DOCK8: variants seen among roughly 807,000 people sequenced by gnomAD.
DOCK8 encodes dedicator of cytokinesis protein 8.
DOCK8 carries 141 observed loss-of-function variants against 245.6 expected under a neutral mutation model. The observed-to-expected ratio is 0.57, with a 90% CI of 0.50 to 0.66. The LOEUF is 0.66. Among genes scored for constraint, DOCK8 ranks in the 30% least tolerant of loss-of-function variants. DOCK8 has a pLI of 0.00. For missense variants in DOCK8, 2,965 were observed against 2,603.4 expected (o/e 1.14, Z -3.02); for synonymous variants, 1,168 against 970.2 (o/e 1.20, Z -3.79).
intron 1 of DOCK8, among the ~76,000 whole-genome samples, chr9:227,528 G>T (rs188429490): frequency 1.3e-5 from 2 of 152,298 alleles, no homozygotes; most frequent in East Asian, 3.9e-4. Flanking sequence ...GAGTAAAGAT[G>T]ATTAAAGCAG....
chr9:240,874 T>C (rs997674336), intron 1 of DOCK8, among the ~76,000 whole-genome samples: 2 of 152,156 alleles, frequency 1.3e-5, no homozygotes, highest in Non-Finnish European at 2.9e-5. Flanking sequence ...AAAAAAATAT[T>C]CTATTCCATA....
chr9:298,705 G>T (rs2049385633), intron 4 of DOCK8, among the ~76,000 whole-genome samples: 1 of 151,604 alleles, frequency 6.6e-6, no homozygotes, highest in Non-Finnish European at 1.5e-5. Context: ...CTTGGAAATA[G>T]CCGCATTTTA....
intron 9 of DOCK8, among the ~76,000 whole-genome samples, chr9:329,903 T>C (rs1030254159): frequency 6.6e-6 from 1 of 152,230 alleles, no homozygotes; most frequent in Non-Finnish European, 1.5e-5. Flanking sequence ...GTTTAAGAAA[T>C]TGAAATCTAC....
chr9:408,940 A>G (rs570249828), intron 28 of DOCK8, among the ~76,000 whole-genome samples: 2 of 152,206 alleles, frequency 1.3e-5, no homozygotes, highest in East Asian at 1.9e-4. Context: ...CCCCCAAAAG[A>G]GTAATTAACA....
intron 4 of DOCK8, among the ~76,000 whole-genome samples, chr9:294,076 T>C (rs1182518452): frequency 6.6e-6 from 1 of 152,244 alleles, no homozygotes; most frequent in Non-Finnish European, 1.5e-5. Flanking sequence ...TATTAATGTA[T>C]GTACTTATAT....
intron 1 of DOCK8, among the ~76,000 whole-genome samples, chr9:240,261 A>C (rs2047347189): frequency 6.6e-6 from 1 of 152,204 alleles, no homozygotes; most frequent in Admixed American, 6.5e-5. Flanking sequence ...ACAGGTTATC[A>C]GAAACAAATC....
rs1393477454 is a variant in DOCK8, at chr9:400,022, CCTCCACCAT to C, written c.3234+765_3234+773del. On this transcript the variant is annotated intron_variant, in intron 26 of 47. Transcript: ENST00000432829. Reference sequence around the variant, plus strand: ...TCCACCACCTCCACCATCACCACCACCTCCACCATCACCACCACCACCTCCACCATCACC... The same window carrying C: ...TCCACCACCTCCACCATCACCACCACCACCACCACCACCTCCACCATCACC... 1.5e-3 allele frequency among the ~76,000 whole-genome samples: 179 copies of C among 117,038 alleles called. 1 individual carries two copies. The highest frequency in any genetic ancestry group is 5.3e-3 in the African/African-American group (139 of 26,116). 76.8% of individuals were successfully genotyped at this position (117,038 alleles called of 152,430 possible).
chr9:334,955 C>T (rs1466609810), intron 11 of DOCK8, among the ~76,000 whole-genome samples: 3 of 151,952 alleles, frequency 2.0e-5, no homozygotes, highest in Admixed American at 6.6e-5. Flanking sequence ...TGGTGGTACA[C>T]GTCTGTAATC....
chr9:300,329 G>A (rs1268979299), intron 4 of DOCK8, among the ~76,000 whole-genome samples: 1 of 151,978 alleles, frequency 6.6e-6, no homozygotes, highest in Admixed American at 6.6e-5. Flanking sequence ...TATCTATCTG[G>A]CATTTGATCT....
At chr9:421,979 A>G in intron 32 of DOCK8, 69 bp from the exon 33 acceptor site, 2 of 1,351,176 alleles carry the variant, frequency 1.5e-6, no homozygotes, top group Non-Finnish European at 2.1e-6. Context: ...TGAGCTTGTT[A>G]TGAACTTCTG....
At chr9:241,206 A>T (rs1016912102) in intron 1 of DOCK8, among the ~76,000 whole-genome samples, 1 of 152,110 alleles carries the variant, frequency 6.6e-6, no homozygotes, top group Non-Finnish European at 1.5e-5. Flanking sequence ...CATCATCTCA[A>T]ACTCTAATCA....
intron 39 of DOCK8, among the ~76,000 whole-genome samples, chr9:436,379 G>A (rs191867673): frequency 1.3e-5 from 2 of 152,242 alleles, no homozygotes; most frequent in Non-Finnish European, 2.9e-5. Flanking sequence ...AGATGTATTT[G>A]CTTCTTTTCT....
At chr9:348,636 G>C (rs2052015354) in intron 14 of DOCK8, among the ~76,000 whole-genome samples, 1 of 152,186 alleles carries the variant, frequency 6.6e-6, no homozygotes. Context: ...ATTTGACTCT[G>C]ATCTTGAATA....
chr9:462,684 T>C (rs1032496030), intron 46 of DOCK8, among the ~76,000 whole-genome samples: 1 of 152,248 alleles, frequency 6.6e-6, no homozygotes, highest in African/African-American at 2.4e-5. Context: ...GATTTTTCTC[T>C]TTCTTTCTGG....
At chr9:303,435 C>T (rs1035503674) in intron 4 of DOCK8, among the ~76,000 whole-genome samples, 4 of 152,186 alleles carry the variant, frequency 2.6e-5, no homozygotes, top group Non-Finnish European at 5.9e-5. Flanking sequence ...TACATATACA[C>T]CATGAAATAC....
Position 428,388 on chromosome 9 carries a change from C to A in DOCK8, c.4365C>A (p.Asp1455Glu), listed in dbSNP as rs1334534931. Reference sequence around the variant, plus strand: ...CGAGCTCGGCTCTGGACTGTAAAGACAGCCTGCTGGGAGGTGTTCTGAGGG... The same window carrying A: ...CGAGCTCGGCTCTGGACTGTAAAGAAAGCCTGCTGGGAGGTGTTCTGAGGG... ...IQASSALDCK[D>E]SLLGGVLRVL... The change falls in exon 35 of 48, where the codon GAC becomes GAA. Residue 1455 changes from aspartate to glutamate, a missense_variant. By Grantham distance (45) the Asp-to-Glu change is conservative (BLOSUM62 2). This residue lies in a region of DOCK8 where 2,825 missense variants were observed against 2,453.5 expected (regional missense o/e 1.15). Coordinates refer to ENST00000432829, the MANE Select transcript of DOCK8 (RefSeq NM_203447.4). 2 of 1,614,192 alleles carry A rather than the reference C, an allele frequency of 1.2e-6. No homozygotes were observed. Among genetic ancestry groups the A allele is most frequent in the Admixed American group, 3.3e-5 (2 of 60,026 alleles).
At chr9:247,076 A>G (rs1414553930) in intron 1 of DOCK8, among the ~76,000 whole-genome samples, 3 of 152,236 alleles carry the variant, frequency 2.0e-5, no homozygotes, top group African/African-American at 7.2e-5. Context: ...GATAGGGAAT[A>G]TTGAGTATTT....
intron 1 of DOCK8, among the ~76,000 whole-genome samples, chr9:258,905 G>T (rs568152209): frequency 1.3e-5 from 2 of 151,998 alleles, no homozygotes; most frequent in South Asian, 4.2e-4. Context: ...GCCCTGAAGA[G>T]ACTCTTAAGA....
intron 38 of DOCK8, among the ~76,000 whole-genome samples, chr9:434,495 T>G (rs2056826372): frequency 6.6e-6 from 1 of 152,162 alleles, no homozygotes; most frequent in Non-Finnish European, 1.5e-5. Flanking sequence ...GGCAGAAATT[T>G]GCCTGAGAGC....
Sources: gnomAD v4.1 joint callset for allele counts (sites outside exome capture counted in the v4.1 genomes callset) on GRCh38, gnomAD v4.1.1 for gene constraint, gnomAD v4.1.1 regional missense constraint, MANE v1.5 for transcripts, NCBI Gene and HGNC (gene_info 2026-07-23, HGNC 2026-07-21) for gene names.